The following ZBTB6 variants were observed in gnomAD, a reference collection of about 807,000 sequenced individuals.
ZBTB6 encodes the protein zinc finger and BTB domain-containing protein 6.
In ZBTB6, 11 loss-of-function variants were observed where a neutral mutation model predicts 30.6. That is an observed-to-expected ratio of 0.36 (90% CI 0.23 to 0.60). The LOEUF (loss-of-function observed/expected upper bound fraction) is 0.60. ZBTB6 is among the 20% of genes least tolerant of loss of function. The pLI is 0.75. For synonymous variants in ZBTB6, 174 were observed against 172.0 expected (o/e 1.01, Z -0.09); for missense variants, 380 against 489.4 (o/e 0.78, Z 2.11).
rs1832932746 is a variant in ZBTB6, at chr9:122,909,446, G to A, written c.*1352C>T. 1 of 152,104 alleles carries A rather than the reference G, an allele frequency of 6.6e-6. No individual in the cohort carries two copies. Among genetic ancestry groups the A allele is most frequent in the Non-Finnish European group, 1.5e-5 (1 of 68,010 alleles). 9.4% of individuals were successfully genotyped at this position (152,104 alleles called of 1,614,324 possible). The stretch of plus-strand genomic sequence containing the variant: ...TAAAAGTTTTGTGTTATATGTAGAC[G>A]GAGATGTTAGAGAACTATGGCTCAG... On this transcript the variant is annotated 3_prime_UTR_variant, in exon 2 of 2. Transcript: ENST00000373659.
At position 122,912,617 on chromosome 9, in the gene ZBTB6, C is replaced by A. The variant is rs1456223036; in HGVS notation, c.-9-536G>T. On this transcript the variant is annotated intron_variant, in intron 1 of 1. Transcript: ENST00000373659. ...GCCTGAGTGCCACCAGGATTAACAA[C>A]CCTTATTTTATTTTATTTTTAATTT... Among the ~76,000 whole-genome samples the A allele has an allele frequency of 2.6e-5, 4 of 152,120 alleles. No individual in the cohort carries two copies. In the South Asian group the frequency reaches 6.2e-4, roughly 24 times the overall value.
At position 122,911,448 on chromosome 9, in the gene ZBTB6, C is replaced by G; in HGVS notation, c.625G>C (p.Asp209His). 6.2e-7 allele frequency: 1 copy of G among 1,614,214 alleles called. No homozygotes were observed. The highest frequency in any genetic ancestry group is 1.1e-5 in the South Asian group (1 of 91,078). The change falls in exon 2 of 2, where the codon GAC becomes CAC. Residue 209 changes from aspartate (D) to histidine (H), a missense_variant. Coordinates refer to ENST00000373659, the MANE Select transcript of ZBTB6 (RefSeq NM_006626.6). This position sits in a 1 kb window ranked among gnomAD's most constrained non-coding sequence, Gnocchi z 4.5. Reference protein sequence around the residue: ...EMKSPELSTVDIGFKDNEICI... With the variant: ...EMKSPELSTVHIGFKDNEICI... ...ATTTCATTGTCTTTAAAACCTATGT[C>G]TACTGTAGACAGCTCTGGTGACTTC... is the stretch of plus-strand genomic sequence containing the variant.
intron 1 of ZBTB6, among the ~76,000 whole-genome samples, chr9:122,912,505 A>G (rs1832963053): frequency 6.6e-6 from 1 of 152,186 alleles, no homozygotes; most frequent in Non-Finnish European, 1.5e-5. Flanking sequence ...CCACTACAAC[A>G]GGTCCTCCTT....
In ZBTB6 at chr9:122,911,443, T is replaced by C; in HGVS notation, c.630A>G (p.Ile210Met). The change falls in exon 2 of 2, where the codon ATA becomes ATG. Residue 210 changes from isoleucine to methionine, a missense_variant. By Grantham distance (10) the Ile-to-Met change is conservative. Transcript: ENST00000373659. This position sits in a 1 kb window ranked among gnomAD's most constrained non-coding sequence, Gnocchi z 4.5. ...MKSPELSTVD[I>M]GFKDNEICIL... ...TACAAATTTCATTGTCTTTAAAACC[T>C]ATGTCTACTGTAGACAGCTCTGGTG... 6.2e-7 allele frequency: 1 copy of C among 1,614,192 alleles called. No individual in the cohort carries two copies. Among genetic ancestry groups the C allele is most frequent in the Non-Finnish European group, 8.5e-7 (1 of 1,180,036 alleles).
chr9:122,908,605 C>T lies in ZBTB6; in HGVS notation c.*2193G>A, dbSNP rs1260300235. On this transcript the variant is annotated 3_prime_UTR_variant, in exon 2 of 2. Coordinates refer to ENST00000373659, the MANE Select transcript of ZBTB6 (RefSeq NM_006626.6). ...GAGTACTATTCTTTTACCCTCTCCTCCCATCTCCATCCTTCCCCCTTCCCC... is the reference window on the plus strand; with the variant it reads ...GAGTACTATTCTTTTACCCTCTCCTTCCATCTCCATCCTTCCCCCTTCCCC... The T allele has an allele frequency of 6.6e-6, 1 of 152,394 alleles. No individual in the cohort carries two copies. The highest frequency in any genetic ancestry group is 1.5e-5 in the Non-Finnish European group (1 of 67,994). The allele number at this position is 152,394 out of a possible 1,614,324, so 9.4% of individuals were successfully genotyped here. A position where few individuals can be genotyped will look rare whatever the true frequency, so the allele number is the denominator to read the frequency against.
intron 1 of ZBTB6, among the ~76,000 whole-genome samples, 200 bp downstream of exon 1, chr9:122,913,051 A>T (rs981406403): frequency 4.6e-5 from 7 of 152,240 alleles, no homozygotes; most frequent in African/African-American, 1.7e-4. Context: ...AGCTCAGGGA[A>T]CATCTGCTGA....
rs1314020518 is a variant in ZBTB6 at position 122,911,662 on chromosome 9, G to A, written c.411C>T (p.Asn137=). 3.7e-6 allele frequency: 6 copies of A among 1,613,454 alleles called. No individual in the cohort carries two copies. The highest frequency in any genetic ancestry group is 1.3e-5 in the African/African-American group (1 of 74,932). The change falls in exon 2 of 2, where the codon AAC becomes AAT. Residue 137 remains asparagine (N), a synonymous_variant. Transcript: ENST00000373659. The surrounding 1 kb of genome is among the most constrained non-coding windows in gnomAD (Gnocchi z 4.5). ...AAGACTGACACAGGTCAGTGTGTTG[G>A]TTGTTGTTTTTCATAGAAAGATCAA... ...LEIDLSMKNN[N]QHTDLCQSSD...
rs1832938093 is a variant in ZBTB6, at chr9:122,910,172, T to A, written c.*626A>T. The A allele has an allele frequency of 6.6e-6, 1 of 152,188 alleles. No individual in the cohort carries two copies. The highest frequency in any genetic ancestry group is 2.1e-4 in the South Asian group (1 of 4,832). The allele number at this position is 152,188 out of a possible 1,614,324, so 9.4% of individuals were successfully genotyped here. ...GGCCCAATGAACCATTTCTTAAGTA[T>A]GTATACTAATAAGGCATGGAAATAA... On this transcript the variant is annotated 3_prime_UTR_variant, in exon 2 of 2. Coordinates refer to ENST00000373659, the MANE Select transcript of ZBTB6 (RefSeq NM_006626.6).
In ZBTB6 at chr9:122,911,550, C is replaced by A. The variant is rs370904446; in HGVS notation, c.523G>T (p.Asp175Tyr). The A allele has an allele frequency of 1.3e-4, 205 of 1,613,918 alleles. No homozygotes were observed. The highest frequency in any genetic ancestry group is 1.6e-4 in the Non-Finnish European group (192 of 1,180,002). Reference sequence around the variant, plus strand: ...CTTTCCTCTTCTTTAACATGGAAATCTATGTTTACAGGACTATCTTCTGAA... The same window carrying A: ...CTTTCCTCTTCTTTAACATGGAAATATATGTTTACAGGACTATCTTCTGAA... ...EISEDSPVNI[D>Y]FHVKEEESNA... is the part of the protein sequence containing the mutation. The change falls in exon 2 of 2, where the codon GAT (aspartate) becomes TAT (tyrosine). Residue 175 changes from aspartate (D) to tyrosine (Y), a missense_variant. Physicochemically the swap from Asp to Tyr is radical, Grantham distance 160. Transcript: ENST00000373659. This position sits in a 1 kb window ranked among gnomAD's most constrained non-coding sequence, Gnocchi z 4.5.
Position 122,910,731 on chromosome 9 carries a change from G to T in ZBTB6, c.*67C>A. On this transcript the variant is annotated 3_prime_UTR_variant, in exon 2 of 2. Transcript: ENST00000373659. ...GGGGGGATGAAATATTACAAATGCT[G>T]CATCTCTACAGAAAGACTTGCGTAA... 3 of 1,373,010 alleles carry T rather than the reference G, an allele frequency of 2.2e-6. No homozygotes were observed. The highest frequency in any genetic ancestry group is 3.0e-6 in the Non-Finnish European group (3 of 1,012,598). The allele number at this position is 1,373,010 out of a possible 1,614,324, so 85.1% of individuals were successfully genotyped here.
chr9:122,911,098 T>C lies in ZBTB6; in HGVS notation c.975A>G (p.Leu325=), dbSNP rs1832948383. 2 of 1,614,112 alleles carry C rather than the reference T, an allele frequency of 1.2e-6. No individual in the cohort carries two copies. The highest frequency in any genetic ancestry group is 1.3e-5 in the African/African-American group (1 of 74,932). ...NYLRHLKMHK[L]FLCLQCGKTF... is the part of the protein sequence containing the mutation. ...TTTTTCCGCACTGTAAGCATAAGAA[T>C]AGTTTATGCATTTTAAGGTGGCGCA... Residue 325 remains leucine, a synonymous_variant, in exon 2 of 2, where the codon CTA becomes CTG. Transcript: ENST00000373659. This position sits in a 1 kb window ranked among gnomAD's most constrained non-coding sequence, Gnocchi z 4.5.
At position 122,910,854 on chromosome 9, in the gene ZBTB6, T is replaced by C. The variant is rs1832946220; in HGVS notation, c.1219A>G (p.Arg407Gly). 1.2e-6 allele frequency: 2 copies of C among 1,614,064 alleles called. No homozygotes were observed. The highest frequency in any genetic ancestry group is 1.7e-6 in the Non-Finnish European group (2 of 1,180,016). ...LKKHLTSVHG[R>G]SSGEKLSRPD... ...CTAGATAGTTTTTCACCACTGCTTC[T>C]GCCATGGACAGAGGTTAAGTGCTTT... Residue 407 changes from arginine to glycine, a missense_variant, in exon 2 of 2, where the codon AGA becomes GGA. By Grantham distance (125) the Arg-to-Gly change is moderately radical. Coordinates refer to ENST00000373659, the MANE Select transcript of ZBTB6 (RefSeq NM_006626.6).
At chr9:122,912,538 A>G (rs1832963240) in intron 1 of ZBTB6, among the ~76,000 whole-genome samples, 1 of 152,118 alleles carries the variant, frequency 6.6e-6, no homozygotes, top group Non-Finnish European at 1.5e-5. Context: ...GACAACTGCA[A>G]TGTCTTCCAA....
At position 122,908,928 on chromosome 9, in the gene ZBTB6, C is replaced by T. The variant is rs1832928078; in HGVS notation, c.*1870G>A. 6.6e-6 allele frequency: 1 copy of T among 152,138 alleles called. No individual in the cohort carries two copies. The highest frequency in any genetic ancestry group is 1.5e-5 in the Non-Finnish European group (1 of 68,008). 9.4% of individuals were successfully genotyped at this position (152,138 alleles called of 1,614,324 possible). On this transcript the variant is annotated 3_prime_UTR_variant, in exon 2 of 2. Transcript: ENST00000373659. Reference sequence around the variant, plus strand: ...TCTCAGGAAGAATTAAATACAAAATCATGGAATTTTAGACCTGGAAATGAT... The same window carrying T: ...TCTCAGGAAGAATTAAATACAAAATTATGGAATTTTAGACCTGGAAATGAT...
Position 122,910,954 on chromosome 9 carries a change from C to G in ZBTB6, c.1119G>C (p.Leu373Phe), listed in dbSNP as rs1440098069. 3.1e-6 allele frequency: 5 copies of G among 1,614,150 alleles called. No individual in the cohort carries two copies. Among genetic ancestry groups the G allele is most frequent in the Non-Finnish European group, 4.2e-6 (5 of 1,180,030 alleles). The change falls in exon 2 of 2, where the codon TTG becomes TTC. Residue 373 changes from leucine to phenylalanine, a missense_variant. Leu to Phe is a conservative substitution (Grantham distance 22). Transcript: ENST00000373659. Reference protein sequence around the residue: ...FTAKSTLQDHLNIHSGDRPYK... With the variant: ...FTAKSTLQDHFNIHSGDRPYK... ...ATGGCCGATCCCCACTGTGTATGTT[C>G]AAGTGGTCCTGAAGTGTGCTTTTGG...
Position 122,911,896 on chromosome 9 carries a change from T to A in ZBTB6, c.177A>T (p.Arg59Ser). The A allele has an allele frequency of 6.2e-7, 1 of 1,614,204 alleles. No homozygotes were observed. The highest frequency in any genetic ancestry group is 8.5e-7 in the Non-Finnish European group (1 of 1,180,032). The change falls in exon 2 of 2, where the codon AGA becomes AGT. Residue 59 changes from arginine (R) to serine (S), a missense_variant. Coordinates refer to ENST00000373659, the MANE Select transcript of ZBTB6 (RefSeq NM_006626.6). This position sits in a 1 kb window ranked among gnomAD's most constrained non-coding sequence, Gnocchi z 4.5. ...VILAACSTFM[R>S]DQFLLTQSKH... ...TTGACTGTGTGAGTAAAAACTGATC[T>A]CTCATAAAAGTGGAGCAAGCAGCCA...
In ZBTB6 at chr9:122,909,503, T is replaced by C. The variant is rs995829843; in HGVS notation, c.*1295A>G. ...ATCTCAAATATGACTCTCGCTAAAA[T>C]AATCATACAGTCATAGTTTTCCTTT... On this transcript the variant is annotated 3_prime_UTR_variant, in exon 2 of 2. Transcript: ENST00000373659. 2 of 152,216 alleles carry C rather than the reference T, an allele frequency of 1.3e-5. No homozygotes were observed. Among genetic ancestry groups the C allele is most frequent in the Non-Finnish European group, 2.9e-5 (2 of 68,040 alleles). The allele number at this position is 152,216 out of a possible 1,614,324, so 9.4% of individuals were successfully genotyped here.
chr9:122,910,415 TTGTTATCCTAATTCATTA>T lies in ZBTB6; in HGVS notation c.*365_*382del, dbSNP rs1832940541. 8 of 161,220 alleles carry T rather than the reference TTGTTATCCTAATTCATTA, an allele frequency of 5.0e-5. No homozygotes were observed. The highest frequency in any genetic ancestry group is 4.2e-4 in the Admixed American group (7 of 16,512). 10.0% of individuals were successfully genotyped at this position (161,220 alleles called of 1,614,324 possible). ...GTGTTTTTACCTTTATTTTCTCTTC[TTGTTATCCTAATTCATTA>T]AAGTTTTTATATGATTGGATTTTAT... On this transcript the variant is annotated 3_prime_UTR_variant, in exon 2 of 2. Coordinates refer to ENST00000373659, the MANE Select transcript of ZBTB6 (RefSeq NM_006626.6).
chr9:122,911,411 T>C lies in ZBTB6; in HGVS notation c.662A>G (p.His221Arg). 1 of 1,614,174 alleles carries C rather than the reference T, an allele frequency of 6.2e-7. No homozygotes were observed. Among genetic ancestry groups the C allele is most frequent in the Non-Finnish European group, 8.5e-7 (1 of 1,180,042 alleles). ...ACCAGCTGTACTGATGGATTCTACA[T>C]GAAGGATACAAATTTCATTGTCTTT... ...GFKDNEICILHVESISTAGVE... is the reference protein window; with the variant it reads ...GFKDNEICILRVESISTAGVE... Residue 221 changes from histidine to arginine, a missense_variant, in exon 2 of 2, where the codon CAT becomes CGT. Physicochemically the swap from His to Arg is conservative, Grantham distance 29 (BLOSUM62 0). Coordinates refer to ENST00000373659, the MANE Select transcript of ZBTB6 (RefSeq NM_006626.6). The surrounding 1 kb of genome is among the most constrained non-coding windows in gnomAD (Gnocchi z 4.5).
Sources: allele counts gnomAD v4.1 joint callset (sites outside exome capture counted in the v4.1 genomes callset), GRCh38; gene constraint gnomAD v4.1.1; non-coding constraint Gnocchi (gnomAD v3.1); transcripts MANE v1.5; gene names NCBI Gene and HGNC (gene_info 2026-07-23, HGNC 2026-07-21).